ANKIB1: variants seen among roughly 807,000 people sequenced by gnomAD.
ANKIB1 encodes ankyrin repeat and IBR domain containing 1, also known as ankyrin repeat and IBR domain-containing protein 1.
A neutral mutation model predicts 122.1 loss-of-function variants in ANKIB1; 43 were observed. That is an observed-to-expected ratio of 0.35 (90% CI 0.28 to 0.45). The LOEUF (loss-of-function observed/expected upper bound fraction) is 0.45, where lower values mean the gene tolerates loss of function less well. Ranked by LOEUF, ANKIB1 falls within the 20% of genes least tolerant of loss-of-function variation. The probability of loss-of-function intolerance (pLI) is 1.00; values close to 1 mark genes in which losing one functional copy is unlikely to be tolerated. For missense variants in ANKIB1, 992 were observed against 1,329.5 expected, an observed-to-expected ratio of 0.75 and a Z score of 3.95; for synonymous variants, 390 against 442.0, an observed-to-expected ratio of 0.88 and a Z score of 1.48.
chr7:92,275,301 T>C (rs1355183736), intron 1 of ANKIB1, among the ~76,000 whole-genome samples: 1 of 152,190 alleles, frequency 6.6e-6, no homozygotes, highest in East Asian at 1.9e-4. Context: ...GAGTATGACA[T>C]AGACATCTCT....
In ANKIB1 at chr7:92,336,077, T is replaced by A. The variant is rs73713703; in HGVS notation, c.788-6947T>A. Among the ~76,000 whole-genome samples, 540 of 152,214 alleles carry A rather than the reference T, an allele frequency of 3.5e-3. 3 individuals carry two copies. Among genetic ancestry groups the A allele is most frequent in the African/African-American group, 0.012 (515 of 41,572 alleles). ...TGTATGTACATTGCCCCATCCCTTA[T>A]GCTATCATTATTATAGTACATAATC... On this transcript the variant is annotated intron_variant, in intron 5 of 19. Coordinates refer to ENST00000265742, the MANE Select transcript of ANKIB1 (RefSeq NM_019004.2).
rs766701716 is a variant in ANKIB1, at chr7:92,246,414, C to T, written c.-196C>T. 1 of 511,070 alleles carries T rather than the reference C, an allele frequency of 2.0e-6. No individual in the cohort carries two copies. The highest frequency in any genetic ancestry group is 3.9e-6 in the Non-Finnish European group (1 of 257,418). The allele number at this position is 511,070 out of a possible 1,614,324, so 31.7% of individuals were successfully genotyped here. A position where few individuals can be genotyped will look rare whatever the true frequency, so the allele number is the denominator to read the frequency against. On this transcript the variant is annotated 5_prime_UTR_variant, in exon 1 of 20. Transcript: ENST00000265742. ...CAACCGTCCGGGTGGGTGGGGCGGG[C>T]TGGGTACCTGAGGTCACCAGCTCGG...
chr7:92,358,639 A>C (rs1334594921), intron 9 of ANKIB1, among the ~76,000 whole-genome samples: 3 of 151,526 alleles, frequency 2.0e-5, no homozygotes, highest in African/African-American at 7.3e-5. Context: ...TCTGACAGCA[A>C]AACCAGTATT....
chr7:92,303,961 G>A (rs1802503565), intron 2 of ANKIB1, among the ~76,000 whole-genome samples: 1 of 151,822 alleles, frequency 6.6e-6, no homozygotes, highest in African/African-American at 2.4e-5. Context: ...GGGTTATTAG[G>A]GTCACATGAA....
chr7:92,274,285 T>G (rs1801855089), intron 1 of ANKIB1, among the ~76,000 whole-genome samples: 1 of 152,218 alleles, frequency 6.6e-6, no homozygotes, highest in Non-Finnish European at 1.5e-5. Flanking sequence ...TCCCTAACTT[T>G]AAGGAACCTA....
intron 1 of ANKIB1, among the ~76,000 whole-genome samples, chr7:92,247,013 C>T (rs1407573804): frequency 6.6e-6 from 1 of 151,726 alleles, no homozygotes; most frequent in Non-Finnish European, 1.5e-5. Context: ...ATGGAGCGCT[C>T]CCCTGTATTC....
intron 1 of ANKIB1, among the ~76,000 whole-genome samples, chr7:92,264,181 G>T (rs201197620): frequency 5.7e-5 from 8 of 139,902 alleles, no homozygotes; most frequent in East Asian, 2.2e-4. Context: ...TTGTTTGTTT[G>T]TTGGTTTTTT....
At chr7:92,339,610 G>A (rs1259556243) in intron 5 of ANKIB1, among the ~76,000 whole-genome samples, 1 of 152,172 alleles carries the variant, frequency 6.6e-6, no homozygotes, top group Non-Finnish European at 1.5e-5. Flanking sequence ...ACTAGGCTGA[G>A]TAATGGAGAT....
intron 11 of ANKIB1, among the ~76,000 whole-genome samples, chr7:92,372,738 A>G (rs1179371378): frequency 6.6e-6 from 1 of 152,170 alleles, no homozygotes; most frequent in Non-Finnish European, 1.5e-5. Context: ...CTGGTATGTT[A>G]TTAATAACAT....
In ANKIB1 at chr7:92,343,187, C is replaced by A. The variant is rs765567969; in HGVS notation, c.951C>A (p.Ser317=). Residue 317 remains serine, a synonymous_variant, in exon 6 of 20, where the codon TCC becomes TCA. Transcript: ENST00000265742. The part of the protein sequence containing the change: ...TPRTTRSSVT[S]PDEISLSPGD... ...GGACTACACGCTCTTCTGTCACCTC[C>A]CCAGATGAAATCAGCTTATCTCCTG... 1 of 1,613,952 alleles carries A rather than the reference C, an allele frequency of 6.2e-7. No homozygotes were observed.
At chr7:92,340,863 C>T (rs1233790417) in intron 5 of ANKIB1, among the ~76,000 whole-genome samples, 2 of 152,180 alleles carry the variant, frequency 1.3e-5, no homozygotes, top group African/African-American at 2.4e-5. Flanking sequence ...CCAACAAACA[C>T]ATCAAACAAT....
intron 3 of ANKIB1, among the ~76,000 whole-genome samples, chr7:92,318,658 TTCTGCAAAGCTAGCAGAAACC>T (rs1802841803): frequency 6.6e-6 from 1 of 152,212 alleles, no homozygotes; most frequent in Non-Finnish European, 1.5e-5. Context: ...CATACTTAAT[TTCTGCAAAGCTAGCAGAAACC>T]TCATTACTAA....
intron 1 of ANKIB1, among the ~76,000 whole-genome samples, chr7:92,283,041 A>G (rs1293876995): frequency 2.0e-5 from 3 of 152,162 alleles, no homozygotes; most frequent in African/African-American, 4.8e-5. Context: ...CTCTAACTAC[A>G]GTATCATTTT....
At chr7:92,390,810 G>T (rs1304559021) in intron 15 of ANKIB1, among the ~76,000 whole-genome samples, 1 of 152,118 alleles carries the variant, frequency 6.6e-6, no homozygotes, top group Non-Finnish European at 1.5e-5. Context: ...GCATTTGCTT[G>T]TATGGTGCAT....
intron 1 of ANKIB1, among the ~76,000 whole-genome samples, chr7:92,287,123 C>T (rs1454338067): frequency 6.6e-6 from 1 of 152,084 alleles, no homozygotes; most frequent in Non-Finnish European, 1.5e-5. Context: ...TTTCTGTATG[C>T]CTTTCAACCT....
intron 3 of ANKIB1, among the ~76,000 whole-genome samples, chr7:92,312,149 A>G (rs1034842385): frequency 2.6e-5 from 4 of 152,034 alleles, no homozygotes; most frequent in African/African-American, 7.2e-5. Flanking sequence ...CAGTTCCTCC[A>G]TTTATTTCTG....
chr7:92,372,516 C>A (rs545863100), intron 11 of ANKIB1, among the ~76,000 whole-genome samples: 5 of 152,218 alleles, frequency 3.3e-5, no homozygotes, highest in African/African-American at 1.2e-4. Flanking sequence ...GAACCCAAAG[C>A]AGTGGCCAGA....
intron 9 of ANKIB1, among the ~76,000 whole-genome samples, chr7:92,355,855 A>G (rs945716443): frequency 1.6e-5 from 1 of 62,048 alleles, no homozygotes; most frequent in Non-Finnish European, 3.7e-5. Flanking sequence ...TCTCATAATA[A>G]TAATAATAAT....
intron 10 of ANKIB1, among the ~76,000 whole-genome samples, chr7:92,366,769 G>C (rs1013615535): frequency 6.6e-6 from 1 of 152,142 alleles, no homozygotes; most frequent in Non-Finnish European, 1.5e-5. Flanking sequence ...ATTTTACAGA[G>C]GGAGATACCA....
Sources: allele counts gnomAD v4.1 joint callset (sites outside exome capture counted in the v4.1 genomes callset), GRCh38; gene constraint gnomAD v4.1.1; transcripts MANE v1.5; gene names NCBI Gene and HGNC (gene_info 2026-07-23, HGNC 2026-07-21).